The following TULP4 variants were observed in gnomAD, a reference collection of about 807,000 sequenced individuals.
The protein encoded by TULP4 is tubby-related protein 4.
A neutral mutation model predicts 129.0 loss-of-function variants in TULP4; 16 were observed. The ratio of observed to expected loss-of-function variants is 0.12; its 90% CI spans 0.08 to 0.19. The LOEUF is 0.19. TULP4 is among the 10% of genes least tolerant of loss of function. The probability of loss-of-function intolerance (pLI) is 1.00; values close to 1 mark genes in which losing one functional copy is unlikely to be tolerated. For synonymous variants in TULP4, 998 were observed against 854.0 expected, an observed-to-expected ratio of 1.17 and a Z score of -2.94; for missense variants, 1,842 against 2,059.1, an observed-to-expected ratio of 0.89 and a Z score of 2.04.
intron 1 of TULP4, among the ~76,000 whole-genome samples, chr6:158,352,403 T>C (rs780070734): frequency 6.6e-6 from 1 of 152,234 alleles, no homozygotes; most frequent in Non-Finnish European, 1.5e-5. Context: ...GGACTGACAC[T>C]GGTTCTTTTT....
intron 1 of TULP4, among the ~76,000 whole-genome samples, chr6:158,394,543 G>A (rs1167847402): frequency 6.6e-6 from 1 of 152,014 alleles, no homozygotes; most frequent in African/African-American, 2.4e-5. Flanking sequence ...CAGCACTTTG[G>A]AAGGCTGAGG....
At chr6:158,258,923 A>G (rs951975128) in intron 1 of TULP4, among the ~76,000 whole-genome samples, 1 of 152,238 alleles carries the variant, frequency 6.6e-6, no homozygotes, top group South Asian at 2.1e-4. Flanking sequence ...CTGAAAAAAC[A>G]GGATAAATAT....
At chr6:158,459,366 G>T (rs1211842410) in intron 5 of TULP4, among the ~76,000 whole-genome samples, 1 of 151,850 alleles carries the variant, frequency 6.6e-6, no homozygotes. Context: ...GGAGGCGGAG[G>T]TTGCAGTGAG....
At chr6:158,247,893 T>C (rs1778056532) in intron 1 of TULP4, among the ~76,000 whole-genome samples, 1 of 152,156 alleles carries the variant, frequency 6.6e-6, no homozygotes, top group African/African-American at 2.4e-5. Context: ...GCTGAGAAAA[T>C]ATACAGGATT....
At chr6:158,332,103 C>T (rs1389343384) in intron 1 of TULP4, among the ~76,000 whole-genome samples, 3 of 141,368 alleles carry the variant, frequency 2.1e-5, no homozygotes, top group Non-Finnish European at 3.0e-5. Context: ...ACCCGGGAGG[C>T]GGAGGTTGCA....
chr6:158,306,014 C>T (rs1315866490), intron 1 of TULP4, among the ~76,000 whole-genome samples: 1 of 152,036 alleles, frequency 6.6e-6, no homozygotes, highest in Non-Finnish European at 1.5e-5. Context: ...TTGGCACCAG[C>T]CTTTCAGGAA....
chr6:158,281,845 A>G (rs1778759468), upstream of TULP4, among the ~76,000 whole-genome samples: 2 of 152,152 alleles, frequency 1.3e-5, no homozygotes, highest in African/African-American at 2.4e-5. Flanking sequence ...CCACCATCTG[A>G]TGACTCTTCC....
intron 13 of TULP4, 21 bp from the exon 14 acceptor site, chr6:158,506,557 G>A (rs1355478434): frequency 6.6e-7 from 1 of 1,516,952 alleles, no homozygotes; most frequent in Non-Finnish European, 9.2e-7. Flanking sequence ...TAATGTCTTT[G>A]CTTCCCCTGC....
intron 1 of TULP4, among the ~76,000 whole-genome samples, chr6:158,241,502 G>A (rs1408025034): frequency 6.6e-6 from 1 of 151,948 alleles, no homozygotes; most frequent in East Asian, 1.9e-4. Context: ...CGGCACCTCG[G>A]GAGGCCAAGG....
chr6:158,323,959 C>CT (rs75889726), intron 1 of TULP4, among the ~76,000 whole-genome samples: 23,001 of 152,060 alleles, frequency 0.15, 2,456 homozygotes, highest in East Asian at 0.43. Context: ...GTCATTTTTG[C>CT]TTAAAGTTCA....
chr6:158,287,568 T>C (rs1040339576), intron 1 of TULP4, among the ~76,000 whole-genome samples: 5 of 152,176 alleles, frequency 3.3e-5, no homozygotes, highest in African/African-American at 9.7e-5. Flanking sequence ...CAAATACTTA[T>C]AATATGGTGT....
intron 1 of TULP4, among the ~76,000 whole-genome samples, chr6:158,336,588 C>T (rs922242250): frequency 2.6e-5 from 4 of 152,182 alleles, no homozygotes; most frequent in Non-Finnish European, 4.4e-5. Context: ...AGAAAATCAA[C>T]ATGTATTTTG....
chr6:158,306,475 T>A (rs1779218123), intron 1 of TULP4, among the ~76,000 whole-genome samples: 1 of 152,214 alleles, frequency 6.6e-6, no homozygotes, highest in Non-Finnish European at 1.5e-5. Flanking sequence ...GAAGGATTGC[T>A]TGAGCCTAGT....
At chr6:158,356,509 G>C (rs1258676338) in intron 1 of TULP4, among the ~76,000 whole-genome samples, 1 of 152,196 alleles carries the variant, frequency 6.6e-6, no homozygotes, top group African/African-American at 2.4e-5. Flanking sequence ...GAGCATGAGA[G>C]CCCAGAGAGG....
At chr6:158,454,018 A>ACCCCC (rs1554293006) in intron 5 of TULP4, among the ~76,000 whole-genome samples, 5 of 114,622 alleles carry the variant, frequency 4.4e-5, no homozygotes, top group African/African-American at 1.8e-4. Flanking sequence ...CTGCCTCTGC[A>ACCCCC]CCGCCCCCCC....
chr6:158,284,140 G>A (rs1203571372), intron 1 of TULP4, among the ~76,000 whole-genome samples: 2 of 152,176 alleles, frequency 1.3e-5, no homozygotes, highest in Admixed American at 6.5e-5. Flanking sequence ...GAGTGTTTTT[G>A]GGAGACAGAA....
chr6:158,288,180 A>G (rs374861523), intron 1 of TULP4, among the ~76,000 whole-genome samples: 1 of 152,232 alleles, frequency 6.6e-6, no homozygotes, highest in African/African-American at 2.4e-5. Flanking sequence ...CTTAAATGAC[A>G]TAACATTTAT....
chr6:158,415,895 C>T (rs193043036), intron 2 of TULP4, among the ~76,000 whole-genome samples: 1 of 152,068 alleles, frequency 6.6e-6, no homozygotes. Flanking sequence ...CATGATAGGC[C>T]GTCTGCAAGT....
At chr6:158,425,959 G>T (rs1049262340) in intron 2 of TULP4, among the ~76,000 whole-genome samples, 3 of 152,096 alleles carry the variant, frequency 2.0e-5, no homozygotes, top group Non-Finnish European at 4.4e-5. Context: ...TTGTGTTTTT[G>T]ATTTGCATTT....
Sources: allele counts gnomAD v4.1 joint callset (sites outside exome capture counted in the v4.1 genomes callset), GRCh38; gene constraint gnomAD v4.1.1; transcripts MANE v1.5; gene names NCBI Gene and HGNC (gene_info 2026-07-23, HGNC 2026-07-21).